NUDC: variants seen among roughly 807,000 people sequenced by gnomAD.
The protein encoded by NUDC is nuclear migration protein nudC.
In NUDC, 14 loss-of-function variants were observed where a neutral mutation model predicts 45.0. The observed-to-expected ratio is 0.31, with a 90% CI of 0.21 to 0.49. The LOEUF is 0.49. Ranked by LOEUF, NUDC falls within the 20% of genes least tolerant of loss-of-function variation. The pLI, the probability that NUDC is intolerant of heterozygous loss-of-function variation, is 0.99. For synonymous variants in NUDC, 153 were observed against 156.7 expected (o/e 0.98, Z 0.17); for missense variants, 323 against 426.2 (o/e 0.76, Z 2.13).
intron 2 of NUDC, among the ~76,000 whole-genome samples, chr1:26,936,134 A>AACATAT (rs1553163907): frequency 7.3e-4 from 5 of 6,812 alleles, no homozygotes; most frequent in Admixed American, 3.3e-3. Context: ...ACGCCCGGCT[A>AACATAT]ATATATATAT....
intron 1 of NUDC, among the ~76,000 whole-genome samples, chr1:26,923,573 T>A (rs915578417): frequency 3.3e-5 from 5 of 152,148 alleles, no homozygotes; most frequent in African/African-American, 1.2e-4. Context: ...CGGGTTCAAG[T>A]GATTCTCTGC....
chr1:26,946,688 C>T lies in NUDC; in HGVS notation c.*507C>T, dbSNP rs2082319756. The stretch of plus-strand genomic sequence containing the variant: ...CCAACATGGAGAAACCCAGTCTCTA[C>T]TAAAAATACAAAAATTAGCCGGGTG... On this transcript the variant is annotated 3_prime_UTR_variant, in exon 9 of 9. Transcript: ENST00000321265. The T allele has an allele frequency of 5.3e-6, 1 of 188,624 alleles. No homozygotes were observed. The highest frequency in any genetic ancestry group is 2.4e-5 in the African/African-American group (1 of 42,182). 11.7% of individuals were successfully genotyped at this position (188,624 alleles called of 1,614,324 possible).
At chr1:26,900,168 CGAGTG>C (rs1361096952), upstream of NUDC, 4 of 1,614,052 alleles carry the variant, frequency 2.5e-6, no homozygotes, top group Admixed American at 1.7e-5. Context: ...AGTAGAGTCT[CGAGTG>C]GAGAGAGGCC....
chr1:26,911,903 G>A lies in NUDC; in HGVS notation c.93+668G>A, dbSNP rs752928115. The A allele has an allele frequency of 1.2e-6, 2 of 1,614,154 alleles. No individual in the cohort carries two copies. The highest frequency in any genetic ancestry group is 1.7e-6 in the Non-Finnish European group (2 of 1,179,980). ...AGCGATGTCAACATCTCCAATGATA[G>A]GGCGAAAGAAGAGGTCCCCAAGCAG... On this transcript the variant is annotated intron_variant, in intron 3 of 6. Coordinates refer to the NUDC transcript ENST00000435827.
At chr1:26,900,404 A>C in intron 1 of NUDC, 2 of 1,612,282 alleles carry the variant, frequency 1.2e-6, no homozygotes, top group Non-Finnish European at 1.7e-6. Context: ...CTACCAGGTA[A>C]ACTGTCGCCT....
In NUDC at chr1:26,924,141, G is replaced by T. The variant is rs1163832358; in HGVS notation, c.134G>T (p.Gly45Val). The change falls in exon 2 of 9, where the codon GGA (glycine) becomes GTA (valine). Residue 45 changes from glycine to valine, a missense_variant. This residue lies in a region of NUDC where 245 missense variants were observed against 278.8 expected (regional missense o/e 0.88). Coordinates refer to ENST00000321265, the MANE Select transcript of NUDC (RefSeq NM_006600.4). ...CGACGCAAAACAGACTTTTTCATTG[G>T]AGGAGAAGAAGGGATGGCAGAGAAG... ...FLRRKTDFFI[G>V]GEEGMAEKLI... 1 of 1,614,084 alleles carries T rather than the reference G, an allele frequency of 6.2e-7. No individual in the cohort carries two copies. The highest frequency in any genetic ancestry group is 1.7e-5 in the Admixed American group (1 of 59,998).
At chr1:26,940,864 T>C (rs556879010) in intron 2 of NUDC, among the ~76,000 whole-genome samples, 5 of 152,078 alleles carry the variant, frequency 3.3e-5, no homozygotes, top group East Asian at 1.9e-4. Flanking sequence ...TTTTTTGTAT[T>C]GTTAGTAGAG....
Position 26,924,109 on chromosome 1 carries a change from C to T in NUDC, c.102C>T (p.Ser34=), listed in dbSNP as rs2082112259. The T allele has an allele frequency of 6.2e-7, 1 of 1,614,128 alleles. No individual in the cohort carries two copies. The highest frequency in any genetic ancestry group is 8.5e-7 in the Non-Finnish European group (1 of 1,179,968). Residue 34 remains serine, a synonymous_variant, in exon 2 of 9, where the codon AGC becomes AGT. Transcript: ENST00000321265. ...GVQELVNTFF[S]FLRRKTDFFI... ...TTCAGCTTGTGAACACCTTCTTCAG[C>T]TTCCTTCGACGCAAAACAGACTTTT... is the stretch of plus-strand genomic sequence containing the variant.
rs1027200776 is a variant in NUDC, at chr1:26,941,550, G to A, written c.253G>A (p.Ala85Thr). Reference protein sequence around the residue: ...ARQEAERREKAERAARLAKEA... With the variant: ...ARQEAERREKTERAARLAKEA... ...GCAGGAGGCCGAGCGGCGGGAGAAG[G>A]CGGAGCGGGCGGCCAGACTGGCCAA... The change falls in exon 3 of 9, where the codon GCG becomes ACG. Residue 85 changes from alanine (A) to threonine (T), a missense_variant. Transcript: ENST00000321265. The A allele has an allele frequency of 1.9e-6, 3 of 1,610,902 alleles. No individual in the cohort carries two copies. Among genetic ancestry groups the A allele is most frequent in the Admixed American group, 3.4e-5 (2 of 59,348 alleles).
At chr1:26,906,868 A>G (rs1017207008) in intron 2 of NUDC, among the ~76,000 whole-genome samples, 1 of 152,002 alleles carries the variant, frequency 6.6e-6, no homozygotes, top group South Asian at 2.1e-4. Flanking sequence ...AATAATAATA[A>G]AAATAAATAA....
At chr1:26,921,613 T>C (rs2082091147), upstream of NUDC, 2 of 583,902 alleles carry the variant, frequency 3.4e-6, no homozygotes, top group Admixed American at 3.0e-5. Context: ...TGGCTCCGAA[T>C]GTCGACCAAT....
chr1:26,922,350 C>T (rs982779670), intron 1 of NUDC: 2 of 254,276 alleles, frequency 7.9e-6, no homozygotes, highest in Admixed American at 1.0e-4. Flanking sequence ...TCTTGTTAGG[C>T]CTTGAATGGG....
chr1:26,931,914 T>C (rs2082187237), intron 2 of NUDC, among the ~76,000 whole-genome samples: 1 of 151,446 alleles, frequency 6.6e-6, no homozygotes, highest in Non-Finnish European at 1.5e-5. Flanking sequence ...TCTCAAACTC[T>C]TGACCTTGTG....
chr1:26,912,217 A>C, intron 3 of NUDC: 1 of 959,950 alleles, frequency 1.0e-6, no homozygotes, highest in Non-Finnish European at 1.6e-6. Context: ...AGGTCCCACT[A>C]CTACCTCCTC....
intron 2 of NUDC, among the ~76,000 whole-genome samples, chr1:26,904,534 C>T (rs1007733229): frequency 6.6e-6 from 1 of 152,002 alleles, no homozygotes; most frequent in Non-Finnish European, 1.5e-5. Flanking sequence ...CAAGCCATCC[C>T]CCTGCCTCAG....
At chr1:26,942,555 T>C in intron 4 of NUDC, 105 bp from the exon 5 acceptor site, 3 of 1,553,714 alleles carry the variant, frequency 1.9e-6, no homozygotes, top group Non-Finnish European at 2.7e-6. Flanking sequence ...GTCTGTTTTC[T>C]TTTGTGGCTG....
chr1:26,945,568 C>G lies in NUDC; in HGVS notation c.826C>G (p.Leu276Val), dbSNP rs747763443. 1 of 1,613,742 alleles carries G rather than the reference C, an allele frequency of 6.2e-7. No homozygotes were observed. Among genetic ancestry groups the G allele is most frequent in the Non-Finnish European group, 8.5e-7 (1 of 1,179,592 alleles). Residue 276 changes from leucine to valine, a missense_variant and splice_region_variant, in exon 8 of 9, where the codon CTG (leucine) becomes GTG (valine). Transcript: ENST00000321265. ...GATTCCTGTCACTGCCTGCCCTCAG[C>G]TGTCAGACCTGGACAGTGAGACTCG... ...TKKINPENSKLSDLDSETRSM... is the reference protein window; with the variant it reads ...TKKINPENSKVSDLDSETRSM...
intron 2 of NUDC, among the ~76,000 whole-genome samples, chr1:26,940,385 A>C (rs1055354085): frequency 1.3e-5 from 2 of 152,006 alleles, no homozygotes; most frequent in Non-Finnish European, 2.9e-5. Context: ...CTAAGGAAGG[A>C]GAATCACTTG....
At chr1:26,905,169 T>A (rs1340009753) in intron 2 of NUDC, among the ~76,000 whole-genome samples, 12 of 140,216 alleles carry the variant, frequency 8.6e-5, no homozygotes, top group African/African-American at 2.9e-4. Flanking sequence ...TTTTTTTTTT[T>A]TTTTTTTTTG....
Sources: allele counts gnomAD v4.1 joint callset (sites outside exome capture counted in the v4.1 genomes callset), GRCh38; gene constraint gnomAD v4.1.1; regional missense constraint gnomAD v4.1.1; transcripts MANE v1.5; gene names NCBI Gene and HGNC (gene_info 2026-07-23, HGNC 2026-07-21).